Variants in CAST observed in about 807,000 individuals in gnomAD.
CAST encodes calpastatin.
CAST carries 76 observed loss-of-function variants against 119.6 expected under a neutral mutation model. The ratio of observed to expected loss-of-function variants is 0.64; its 90% confidence interval spans 0.53 to 0.77. The LOEUF is 0.77. Ranked by LOEUF, CAST falls within the 30% of genes least tolerant of loss-of-function variation. The probability of loss-of-function intolerance (pLI) is 0.00; values close to 1 mark genes in which losing one functional copy is unlikely to be tolerated. For missense variants in CAST, 953 were observed against 946.5 expected (o/e 1.01, Z -0.09); for synonymous variants, 319 against 331.6 (o/e 0.96, Z 0.41).
chr5:96,663,396 T>G (rs547419871), intron 1 of CAST, among the ~76,000 whole-genome samples: 1 of 152,298 alleles, frequency 6.6e-6, no homozygotes, highest in South Asian at 2.1e-4. Flanking sequence ...GCGCGGCGCA[T>G]GCACCTCTCT....
chr5:96,099,696 G>C, the CAST span, among the ~76,000 whole-genome samples: 1 of 152,180 alleles, frequency 6.6e-6, no homozygotes, highest in Non-Finnish European at 1.5e-5. Flanking sequence ...TGGTTGATAA[G>C]CTTTTTGATG....
chr5:96,423,493 T>C, the CAST span: 1 of 1,609,998 alleles, frequency 6.2e-7, no homozygotes, highest in East Asian at 2.2e-5. Context: ...ATTGATAAAA[T>C]TATCATTTGC....
the CAST span, among the ~76,000 whole-genome samples, chr5:96,255,316 A>G: frequency 6.6e-6 from 1 of 152,166 alleles, no homozygotes; most frequent in Non-Finnish European, 1.5e-5. Context: ...GGAATGTTAC[A>G]ATTGGAATAG....
At chr5:96,410,597 C>G in the CAST span, among the ~76,000 whole-genome samples, 1 of 152,018 alleles carries the variant, frequency 6.6e-6, no homozygotes, top group Non-Finnish European at 1.5e-5. Flanking sequence ...GTCATTATCC[C>G]TGGAGAGAAA....
the CAST span, among the ~76,000 whole-genome samples, chr5:96,171,091 A>G: frequency 6.6e-6 from 1 of 152,158 alleles, no homozygotes; most frequent in Non-Finnish European, 1.5e-5. Context: ...GATGAGCTGC[A>G]TTGGGAACAG....
At chr5:96,713,563 G>A (rs1756620855) in intron 3 of CAST, among the ~76,000 whole-genome samples, 2 of 152,214 alleles carry the variant, frequency 1.3e-5, no homozygotes, top group Non-Finnish European at 2.9e-5. Flanking sequence ...ACTGGAACAT[G>A]GACCTAAAGC....
intron 3 of CAST, among the ~76,000 whole-genome samples, chr5:96,713,441 A>G (rs2150365623): frequency 6.6e-6 from 1 of 152,080 alleles, no homozygotes; most frequent in Admixed American, 6.5e-5. Flanking sequence ...AGAATTTCTC[A>G]TTCTTATACC....
the CAST span, among the ~76,000 whole-genome samples, chr5:96,027,605 G>C: frequency 6.6e-6 from 1 of 152,038 alleles, no homozygotes; most frequent in Non-Finnish European, 1.5e-5. Flanking sequence ...ATGTAAATGA[G>C]CCAACTTCTG....
At chr5:96,378,071 T>C in the CAST span, among the ~76,000 whole-genome samples, 7 of 152,182 alleles carry the variant, frequency 4.6e-5, no homozygotes, top group East Asian at 1.3e-3. Context: ...CAAACACAAA[T>C]ACTGCATGAC....
intron 1 of CAST, among the ~76,000 whole-genome samples, chr5:96,547,795 C>T (rs998847427): frequency 1.3e-5 from 2 of 152,158 alleles, no homozygotes; most frequent in African/African-American, 2.4e-5. Context: ...ACTGTCCTTA[C>T]TTCTTTCAAG....
At chr5:96,275,989 A>C in the CAST span, among the ~76,000 whole-genome samples, 32 of 152,220 alleles carry the variant, frequency 2.1e-4, no homozygotes, top group African/African-American at 7.5e-4. Context: ...TTAAAATACA[A>C]ATTTTAATCT....
At chr5:96,187,763 G>A in the CAST span, among the ~76,000 whole-genome samples, 2 of 152,144 alleles carry the variant, frequency 1.3e-5, no homozygotes, top group Non-Finnish European at 2.9e-5. Context: ...CAATAGTCGA[G>A]GCTACCGAGC....
chr5:96,194,554 T>C, the CAST span, among the ~76,000 whole-genome samples: 2 of 152,124 alleles, frequency 1.3e-5, no homozygotes, highest in African/African-American at 4.8e-5. Context: ...CTAAAAGAAA[T>C]AGAAGTTCAT....
chr5:96,514,969 T>C, the CAST span, among the ~76,000 whole-genome samples: 2 of 152,140 alleles, frequency 1.3e-5, no homozygotes, highest in Non-Finnish European at 2.9e-5. Flanking sequence ...CCAGCTGGTC[T>C]CAAACTTCTG....
At chr5:96,393,328 G>A in the CAST span, 1 of 1,614,138 alleles carries the variant, frequency 6.2e-7, no homozygotes, top group Non-Finnish European at 8.5e-7. Flanking sequence ...TGCTGCTGGG[G>A]CTTTTGGACA....
At chr5:96,473,498 C>T in the CAST span, among the ~76,000 whole-genome samples, 20,818 of 152,258 alleles carry the variant, frequency 0.14, 1,465 homozygotes, top group Middle Eastern at 0.15. Context: ...CCAGGGTCCC[C>T]CTGATTTCTT....
chr5:96,663,045 C>T (rs1748781695), intron 1 of CAST: 1 of 699,132 alleles, frequency 1.4e-6, no homozygotes, highest in Non-Finnish European at 2.6e-6. Context: ...CGGTCCCGGC[C>T]AAGCGGAGTG....
intron 16 of CAST, among the ~76,000 whole-genome samples, chr5:96,742,977 A>G (rs2150527821): frequency 6.6e-6 from 1 of 152,212 alleles, no homozygotes; most frequent in East Asian, 1.9e-4. Flanking sequence ...ATGAACACGA[A>G]TCTCCCTTGC....
At chr5:96,384,996 G>A in the CAST span, among the ~76,000 whole-genome samples, 1 of 152,188 alleles carries the variant, frequency 6.6e-6, no homozygotes, top group Non-Finnish European at 1.5e-5. Context: ...TAGACTTGGA[G>A]AAACTTTTTA....
Sources: allele counts gnomAD v4.1 joint callset (sites outside exome capture counted in the v4.1 genomes callset), GRCh38; gene constraint gnomAD v4.1.1; transcripts MANE v1.5; gene names NCBI Gene and HGNC (gene_info 2026-07-23, HGNC 2026-07-21).